The following RTCB variants were observed in gnomAD, a reference collection of about 807,000 sequenced individuals.
The protein encoded by RTCB is RNA-splicing ligase RTCB.
Under a neutral mutation model 58.2 loss-of-function variants are expected in RTCB, and 32 were observed. That is an observed-to-expected ratio of 0.55 (90% CI 0.41 to 0.74). RTCB has a LOEUF of 0.74. Among genes scored for constraint, RTCB ranks in the 30% least tolerant of loss-of-function variants. The probability of loss-of-function intolerance (pLI) is 0.00; values close to 1 mark genes in which losing one functional copy is unlikely to be tolerated. For synonymous variants in RTCB, 247 were observed against 218.6 expected (o/e 1.13, Z -1.15); for missense variants, 523 against 639.0 (o/e 0.82, Z 1.96).
intron 8 of RTCB, among the ~76,000 whole-genome samples, 160 bp downstream of exon 8, chr22:32,395,914 T>C (rs979565416): frequency 6.9e-6 from 1 of 145,372 alleles, no homozygotes; most frequent in African/African-American, 2.7e-5. Flanking sequence ...TTAGCCAGGA[T>C]GGTCTGGATC....
Position 32,397,937 on chromosome 22 carries a change from A to G in RTCB, c.814+4T>C, listed in dbSNP as rs758021911. 3 of 1,610,244 alleles carry G rather than the reference A, an allele frequency of 1.9e-6. No homozygotes were observed. Among genetic ancestry groups the G allele is most frequent in the Non-Finnish European group, 1.7e-6 (2 of 1,179,014 alleles). ...TACATTTTAGCACAAAGTCTAGAAT[A>G]TACCTGTGGCTACTTGGTGGCCCAA... On this transcript the variant is annotated splice_donor_region_variant and intron_variant, in intron 7 of 11. Coordinates refer to ENST00000216038, the MANE Select transcript of RTCB (RefSeq NM_014306.5).
chr22:32,410,862 C>A (rs1933508590), intron 1 of RTCB, among the ~76,000 whole-genome samples: 2 of 152,070 alleles, frequency 1.3e-5, no homozygotes, highest in African/African-American at 2.4e-5. Flanking sequence ...GTGCACACCA[C>A]CCCGCCTGGC....
intron 3 of RTCB, chr22:32,407,863 G>A (rs528289032): frequency 2.0e-4 from 60 of 305,242 alleles, no homozygotes; most frequent in African/African-American, 1.3e-3. Context: ...CTGGGCTCAA[G>A]CAATCCTCCC....
chr22:32,393,999 T>A lies in RTCB; in HGVS notation c.1183A>T (p.Thr395Ser). 1 of 1,603,250 alleles carries A rather than the reference T, an allele frequency of 6.2e-7. No homozygotes were observed. The highest frequency in any genetic ancestry group is 2.2e-5 in the East Asian group (1 of 44,842). Reference sequence around the variant, plus strand: ...CCACCAATGAGCACTGGCTGTCCAGTGAGCTGAGGATGCACATAAATCAAA... The same window carrying A: ...CCACCAATGAGCACTGGCTGTCCAGAGAGCTGAGGATGCACATAAATCAAA... The part of the protein sequence containing the change: ...HPLIAVDYQL[T>S]GQPVLIGGTM... The change falls in exon 10 of 12, where the codon ACT becomes TCT. Residue 395 changes from threonine to serine, a missense_variant. Physicochemically the swap from Thr to Ser is moderately conservative, Grantham distance 58. Coordinates refer to ENST00000216038, the MANE Select transcript of RTCB (RefSeq NM_014306.5).
rs541196692 is a variant in RTCB, at chr22:32,395,109, T to C, written c.1096A>G (p.Lys366Glu). The change falls in exon 9 of 12, where the codon AAG becomes GAG. Residue 366 changes from lysine to glutamate, a missense_variant. Physicochemically the swap from Lys to Glu is moderately conservative, Grantham distance 56 (BLOSUM62 1). This residue lies in a region of RTCB where 248 missense variants were observed against 292.5 expected (regional missense o/e 0.85). Transcript: ENST00000216038. The stretch of plus-strand genomic sequence containing the variant: ...CTGTGTACTAACAGTGTCCGTTCCT[T>C]TCCGTCCACCACATGCTGCTCCACT... ...AKVEQHVVDG[K>E]ERTLLVHRKG... 1 of 1,614,172 alleles carries C rather than the reference T, an allele frequency of 6.2e-7. No homozygotes were observed. Among genetic ancestry groups the C allele is most frequent in the African/African-American group, 1.3e-5 (1 of 75,036 alleles).
chr22:32,406,881 G>A, intron 3 of RTCB, 120 bp from the exon 4 acceptor site: 2 of 618,240 alleles, frequency 3.2e-6, no homozygotes, highest in Non-Finnish European at 5.7e-6. Flanking sequence ...AATCAAGACT[G>A]TGTTTTCACA....
At chr22:32,392,599 G>T (rs568543313) in intron 10 of RTCB, 2 of 648,328 alleles carry the variant, frequency 3.1e-6, no homozygotes, top group Non-Finnish European at 5.6e-6. Flanking sequence ...AGCATCCCTC[G>T]CCTCTAAGAC....
At position 32,402,571 on chromosome 22, in the gene RTCB, TCCCG is replaced by T. The variant is rs879309971; in HGVS notation, c.341-672_341-669del. Among the ~76,000 whole-genome samples, 1,612 of 134,868 alleles carry T rather than the reference TCCCG, an allele frequency of 0.012. 40 individuals carry two copies. In the East Asian group the frequency reaches 0.13, roughly 11 times the overall value. The allele number at this position is 134,868 out of a possible 152,430, so 88.5% of individuals were successfully genotyped here. ...TTCAAGTGATTCTCCTGCCTCAGCCTCCCGAATAGCTGAGATTACAGGCGTGCGC... is the reference window on the plus strand; with the variant it reads ...TTCAAGTGATTCTCCTGCCTCAGCCTAATAGCTGAGATTACAGGCGTGCGC... On this transcript the variant is annotated intron_variant, in intron 4 of 11. Transcript: ENST00000216038.
chr22:32,404,929 C>T (rs372542731), intron 4 of RTCB, among the ~76,000 whole-genome samples: 11 of 152,106 alleles, frequency 7.2e-5, no homozygotes, highest in Admixed American at 2.6e-4. Context: ...TCAAGCCATC[C>T]GCCCGCCTTG....
chr22:32,409,115 TAAAG>T (rs1569443469), intron 1 of RTCB, among the ~76,000 whole-genome samples: 1 of 151,864 alleles, frequency 6.6e-6, no homozygotes, highest in Non-Finnish European at 1.5e-5. Flanking sequence ...CTTTTTGTGA[TAAAG>T]AAAAATCTTC....
At chr22:32,397,502 G>A (rs1047414517) in intron 7 of RTCB, among the ~76,000 whole-genome samples, 2 of 152,150 alleles carry the variant, frequency 1.3e-5, no homozygotes, top group South Asian at 2.1e-4. Context: ...CAATTTGAGT[G>A]CAAAGTATCT....
intron 5 of RTCB, chr22:32,401,525 G>A (rs1933336555): frequency 2.2e-6 from 1 of 459,180 alleles, no homozygotes; most frequent in African/African-American, 2.0e-5. Context: ...TGGATATGAT[G>A]TTATTATAAA....
intron 1 of RTCB, among the ~76,000 whole-genome samples, chr22:32,411,002 G>A (rs550080444): frequency 3.9e-5 from 6 of 152,248 alleles, no homozygotes; most frequent in Non-Finnish European, 7.4e-5. Flanking sequence ...GAACCACTGC[G>A]CTCTCCCTAT....
chr22:32,412,189 C>T lies in RTCB; in HGVS notation c.-33G>A. 2 of 1,547,938 alleles carry T rather than the reference C, an allele frequency of 1.3e-6. No homozygotes were observed. The highest frequency in any genetic ancestry group is 1.2e-5 in the South Asian group (1 of 85,578). ...AAAACTGTAGCAAAAACTCCCGGCT[C>T]CGCTTTGAAGAGCCGCTGCCGCGTA... On this transcript the variant is annotated 5_prime_UTR_variant, in exon 1 of 12. Transcript: ENST00000216038.
intron 1 of RTCB, among the ~76,000 whole-genome samples, chr22:32,411,640 C>T (rs77840988): frequency 1.1e-3 from 166 of 152,282 alleles, no homozygotes; most frequent in Non-Finnish European, 1.8e-3. Context: ...GGTTTGTAAA[C>T]GTTATTTAAA....
chr22:32,401,443 T>C (rs1410814864), intron 5 of RTCB: 7 of 215,566 alleles, frequency 3.2e-5, no homozygotes, highest in Admixed American at 2.3e-4. Context: ...GGGAAGATAA[T>C]AGGGTTATTG....
chr22:32,389,114 C>T (rs1018968689), intron 11 of RTCB, among the ~76,000 whole-genome samples: 2 of 152,162 alleles, frequency 1.3e-5, no homozygotes, highest in African/African-American at 4.8e-5. Context: ...GCAGTCATTA[C>T]ATCGTACCAC....
intron 6 of RTCB, among the ~76,000 whole-genome samples, chr22:32,398,718 G>A (rs1933286683): frequency 1.3e-5 from 2 of 152,116 alleles, no homozygotes; most frequent in African/African-American, 4.8e-5. Context: ...GATAAATGTT[G>A]GTAAATGTTG....
intron 5 of RTCB, 133 bp from the exon 6 acceptor site, chr22:32,399,892 CA>C (rs1195054811): frequency 1.3e-6 from 1 of 790,648 alleles, no homozygotes; most frequent in Admixed American, 2.7e-5. Context: ...GAGTCAGATA[CA>C]AAGTTTAAGC....
Sources: gnomAD v4.1 joint callset for allele counts (sites outside exome capture counted in the v4.1 genomes callset) on GRCh38, gnomAD v4.1.1 for gene constraint, gnomAD v4.1.1 regional missense constraint, MANE v1.5 for transcripts, NCBI Gene and HGNC (gene_info 2026-07-23, HGNC 2026-07-21) for gene names.